The following OR51B5 variants were observed in gnomAD, a reference collection of about 807,000 sequenced individuals.
OR51B5 encodes the protein olfactory receptor family 51 subfamily B member 5, also known as olfactory receptor 51B5.
For synonymous variants in OR51B5, 186 were observed against 144.8 expected (o/e 1.28, Z -2.04); for missense variants, 456 against 374.6 (o/e 1.22, Z -1.79).
At position 5,402,253 on chromosome 11, in the gene OR51B5, G is replaced by A. The variant is rs190997989; in HGVS notation, n.85-55343C>T. 2.9e-4 allele frequency among the ~76,000 whole-genome samples: 44 copies of A among 152,142 alleles called. No individual in the cohort carries two copies. In the East Asian group the frequency reaches 7.6e-3, roughly 26 times the overall value. Reference sequence around the variant, plus strand: ...TGGTCTCAAATTCCTGGGCTCAAGCGATCTGCCTACATCAGCCTCCCAAAG... The same window carrying A: ...TGGTCTCAAATTCCTGGGCTCAAGCAATCTGCCTACATCAGCCTCCCAAAG... On this transcript the variant is annotated intron_variant and non_coding_transcript_variant, in intron 1 of 4. Transcript: ENST00000415970.
At chr11:5,439,099 CCTCT>C (rs35645484) in intron 1 of OR51B5, among the ~76,000 whole-genome samples, 29,345 of 149,980 alleles carry the variant, frequency 0.2, 3,106 homozygotes, top group East Asian at 0.38. Flanking sequence ...TCTCTCTCGT[CCTCT>C]CTCTCTCTCT....
intron 1 of OR51B5, among the ~76,000 whole-genome samples, chr11:5,477,307 G>C (rs1215989550): frequency 6.6e-6 from 1 of 152,170 alleles, no homozygotes; most frequent in Non-Finnish European, 1.5e-5. Flanking sequence ...CTTATCCCTT[G>C]AGATGAGCAC....
chr11:5,357,145 T>A (rs563302156), intron 1 of OR51B5, among the ~76,000 whole-genome samples: 1 of 152,056 alleles, frequency 6.6e-6, no homozygotes, highest in Non-Finnish European at 1.5e-5. Context: ...TTAATGTAAA[T>A]GGGCTAAATG....
At chr11:5,345,348 A>G (rs981323982), upstream of OR51B5, among the ~76,000 whole-genome samples, 4 of 152,156 alleles carry the variant, frequency 2.6e-5, no homozygotes, top group African/African-American at 9.7e-5. Context: ...CTTGACTAGG[A>G]GAGAAGCAGG....
At chr11:5,425,943 G>C (rs1487373657) in intron 1 of OR51B5, among the ~76,000 whole-genome samples, 1 of 152,144 alleles carries the variant, frequency 6.6e-6, no homozygotes, top group African/African-American at 2.4e-5. Context: ...AAAAGAGACA[G>C]AAAATTTGAA....
At chr11:5,466,898 G>C (rs1262929502) in intron 1 of OR51B5, among the ~76,000 whole-genome samples, 1 of 152,200 alleles carries the variant, frequency 6.6e-6, no homozygotes, top group African/African-American at 2.4e-5. Flanking sequence ...GCTGTATTTA[G>C]CTGTTGCATC....
chr11:5,423,548 G>C (rs977592898), intron 1 of OR51B5, among the ~76,000 whole-genome samples: 1 of 152,128 alleles, frequency 6.6e-6, no homozygotes, highest in Non-Finnish European at 1.5e-5. Flanking sequence ...GTTCCATTTA[G>C]GCATTTAGGT....
rs1390394746 is a variant in OR51B5, at chr11:5,403,763, C to T, written n.85-56853G>A. Among the ~76,000 whole-genome samples, 3 of 152,042 alleles carry T rather than the reference C, an allele frequency of 2.0e-5. No individual in the cohort carries two copies. In the East Asian group the frequency reaches 5.8e-4, roughly 29 times the overall value. On this transcript the variant is annotated intron_variant and non_coding_transcript_variant, in intron 1 of 4. Coordinates refer to the OR51B5 transcript ENST00000415970. Reference sequence around the variant, plus strand: ...ACACAAAAGTGAGGCTTTTTTAAAACATGTGGTATGAGGTTTTCTTCATTA... The same window carrying T: ...ACACAAAAGTGAGGCTTTTTTAAAATATGTGGTATGAGGTTTTCTTCATTA...
intron 1 of OR51B5, chr11:5,488,932 C>G: frequency 6.2e-7 from 1 of 1,614,038 alleles, no homozygotes; most frequent in Non-Finnish European, 8.5e-7. Flanking sequence ...AGACCTGGCT[C>G]TCAGTTCTAC....
Position 5,358,320 on chromosome 11 carries a change from G to C in OR51B5, n.85-11410C>G, listed in dbSNP as rs1351520251. On this transcript the variant is annotated intron_variant and non_coding_transcript_variant, in intron 1 of 4. Coordinates refer to the OR51B5 transcript ENST00000415970. The stretch of plus-strand genomic sequence containing the variant: ...AAATGATAAAGGGTATATCACCACC[G>C]ATCCCACAGAAATACAAACCACCAT... Among the ~76,000 whole-genome samples, 5 of 151,602 alleles carry C rather than the reference G, an allele frequency of 3.3e-5. No individual in the cohort carries two copies. The South Asian group carries it at 1.1e-3, about 32-fold the overall frequency.
At position 5,413,904 on chromosome 11, in the gene OR51B5, A is replaced by T. The variant is rs4910560; in HGVS notation, n.85-66994T>A. Among the ~76,000 whole-genome samples the T allele has an allele frequency of 2.2e-3, 326 of 148,254 alleles. 3 individuals are homozygous for T. The highest frequency in any genetic ancestry group is 3.7e-3 in the Non-Finnish European group (250 of 66,948). The stretch of plus-strand genomic sequence containing the variant: ...ACTTCCCCAATCTAGCAGGGCAGGC[A>T]AACATTCAGATTCAGGAAATACAGA... On this transcript the variant is annotated intron_variant and non_coding_transcript_variant, in intron 1 of 4. Transcript: ENST00000415970.
At position 5,460,245 on chromosome 11, in the gene OR51B5, G is replaced by A. The variant is rs79740559; in HGVS notation, n.84+45324C>T. On this transcript the variant is annotated intron_variant and non_coding_transcript_variant, in intron 1 of 4. Coordinates refer to the OR51B5 transcript ENST00000415970. ...CAGATACTGGGGCCTACTGGAGGGT[G>A]AAGGATGTGAAGAGGGAGAGGATCA... 6.7e-3 allele frequency among the ~76,000 whole-genome samples: 1,027 copies of A among 152,304 alleles called. 7 individuals are homozygous for A. Among genetic ancestry groups the A allele is most frequent in the Middle Eastern group, 0.024 (7 of 294 alleles).
intron 1 of OR51B5, chr11:5,390,153 CA>C: frequency 6.2e-7 from 1 of 1,613,894 alleles, no homozygotes; most frequent in Non-Finnish European, 8.5e-7. Context: ...GCCTTTCAGA[CA>C]TGCACCGCTC....
rs541446970 is a variant in OR51B5, at chr11:5,487,541, T to C, written n.84+18028A>G. On this transcript the variant is annotated intron_variant and non_coding_transcript_variant, in intron 1 of 4. Transcript: ENST00000415970. ...TAAGAGATTTGTTCAAAGTCACAAATCAATAATGTTACAGAATCGGGGCTA... is the reference window on the plus strand; with the variant it reads ...TAAGAGATTTGTTCAAAGTCACAAACCAATAATGTTACAGAATCGGGGCTA... 2.6e-5 allele frequency among the ~76,000 whole-genome samples: 4 copies of C among 152,294 alleles called. No homozygotes were observed. The South Asian group carries it at 6.2e-4, about 24-fold the overall frequency.
chr11:5,363,072 A>T (rs1469637423), intron 1 of OR51B5, among the ~76,000 whole-genome samples: 1 of 152,046 alleles, frequency 6.6e-6, no homozygotes, highest in Non-Finnish European at 1.5e-5. Context: ...AAATGTGCTA[A>T]GTAGATGTCT....
intron 1 of OR51B5, among the ~76,000 whole-genome samples, chr11:5,380,841 G>A (rs1849597148): frequency 6.6e-6 from 1 of 152,184 alleles, no homozygotes; most frequent in Admixed American, 6.5e-5. Flanking sequence ...CGGGAAGGTG[G>A]TGCTGGAAGA....
At chr11:5,399,475 C>T (rs888707562) in intron 1 of OR51B5, among the ~76,000 whole-genome samples, 3 of 152,124 alleles carry the variant, frequency 2.0e-5, no homozygotes, top group African/African-American at 7.2e-5. Flanking sequence ...TACTAATGTG[C>T]ACAAAGGTAA....
At chr11:5,466,232 T>C (rs2133797505) in intron 1 of OR51B5, among the ~76,000 whole-genome samples, 1 of 152,342 alleles carries the variant, frequency 6.6e-6, no homozygotes, top group Non-Finnish European at 1.5e-5. Context: ...TTCATAAAGA[T>C]GAGGCTTTTT....
intron 1 of OR51B5, among the ~76,000 whole-genome samples, chr11:5,378,087 A>G (rs1849555065): frequency 6.6e-6 from 1 of 152,030 alleles, no homozygotes; most frequent in Admixed American, 6.5e-5. Flanking sequence ...TAACCAAAAC[A>G]GCATGTTACT....
Sources: gnomAD v4.1 joint callset for allele counts (sites outside exome capture counted in the v4.1 genomes callset) on GRCh38, gnomAD v4.1.1 for gene constraint, MANE v1.5 for transcripts, NCBI Gene and HGNC (gene_info 2026-07-23, HGNC 2026-07-21) for gene names.